ERCC6: variants seen among roughly 807,000 people sequenced by gnomAD.
ERCC6 encodes DNA excision repair protein ERCC-6.
A neutral mutation model predicts 158.7 loss-of-function variants in ERCC6; 116 were observed. That is an observed-to-expected ratio of 0.73 (90% CI 0.63 to 0.85). ERCC6 has a LOEUF of 0.85. Ranked by LOEUF, ERCC6 falls within the 40% of genes least tolerant of loss-of-function variation. The pLI is 0.00. For missense variants in ERCC6, 1,698 were observed against 1,799.4 expected (o/e 0.94, Z 1.02); for synonymous variants, 678 against 659.3 (o/e 1.03, Z -0.43).
At chr10:49,449,560 C>CTTTTTT (rs71026248), downstream of ERCC6, among the ~76,000 whole-genome samples, 127 of 68,064 alleles carry the variant, frequency 1.9e-3, 24 homozygotes, top group African/African-American at 7.5e-3. Context: ...ATAGTTAGGT[C>CTTTTTT]TTTTTTTTTT....
intron 14 of ERCC6, 40 bp downstream of exon 14, chr10:49,473,437 A>C: frequency 7.9e-7 from 1 of 1,270,008 alleles, no homozygotes; most frequent in Non-Finnish European, 1.2e-6. Context: ...CTCCACGTAC[A>C]GCAGCACCAC....
chr10:49,441,888 A>G, the ERCC6 span, among the ~76,000 whole-genome samples: 2 of 152,226 alleles, frequency 1.3e-5, no homozygotes, highest in Non-Finnish European at 2.9e-5. Flanking sequence ...ACAGGAACAA[A>G]AGCAGGCGGG....
Position 49,489,622 on chromosome 10 carries a change from C to G in ERCC6, c.1821+3495G>C, listed in dbSNP as rs547051067. Among the ~76,000 whole-genome samples the G allele has an allele frequency of 8.7e-4, 132 of 152,202 alleles. 3 individuals carry two copies. The South Asian group carries it at 0.026, about 30-fold the overall frequency. ...GAATTGATCAAAACGAAACAAAACT[C>G]TTTAAATTACCTAAGATGTTACAGA... On this transcript the variant is annotated intron_variant, in intron 8 of 20. Coordinates refer to ENST00000355832, the MANE Select transcript of ERCC6 (RefSeq NM_000124.4).
At chr10:49,442,103 C>T in the ERCC6 span, among the ~76,000 whole-genome samples, 12 of 152,342 alleles carry the variant, frequency 7.9e-5, no homozygotes, top group South Asian at 6.2e-4. Context: ...GAAAACCAAG[C>T]TGAATCGCCA....
chr10:49,493,283 C>A, intron 7 of ERCC6, 31 bp from the exon 8 acceptor site: 1 of 1,613,530 alleles, frequency 6.2e-7, no homozygotes, highest in East Asian at 2.2e-5. Context: ...AGAAAACAAC[C>A]ATGAAAGAGC....
At chr10:49,467,315 T>G (rs1375156763) in intron 18 of ERCC6, among the ~76,000 whole-genome samples, 1 of 152,186 alleles carries the variant, frequency 6.6e-6, no homozygotes, top group Non-Finnish European at 1.5e-5. Flanking sequence ...CCAAAGTGAT[T>G]GTGCCATTTT....
chr10:49,511,704 C>T (rs1836821541), intron 5 of ERCC6, among the ~76,000 whole-genome samples: 1 of 152,144 alleles, frequency 6.6e-6, no homozygotes, highest in African/African-American at 2.4e-5. Flanking sequence ...GGATTGCAGG[C>T]GTGAGCCACC....
the ERCC6 span, among the ~76,000 whole-genome samples, chr10:49,445,824 C>T: frequency 2.0e-5 from 3 of 152,136 alleles, no homozygotes; most frequent in African/African-American, 7.2e-5. Context: ...AACACCAAGG[C>T]ATGGGTAGCA....
chr10:49,500,682 C>A lies in ERCC6; in HGVS notation c.1541G>T (p.Gly514Val), dbSNP rs896726886. ...GTGCAATTCCCACAGCCACCTAACA[C>A]CTGTCTGCTGGTACCTATGACAACA... ...FKKLFKYQQT[G>V]VRWLWELHCQ... Residue 514 changes from glycine (G) to valine (V), a missense_variant, in exon 7 of 21, where the codon GGT becomes GTT. Coordinates refer to ENST00000355832, the MANE Select transcript of ERCC6 (RefSeq NM_000124.4). 1.8e-5 allele frequency: 29 copies of A among 1,613,850 alleles called. No individual in the cohort carries two copies. Among genetic ancestry groups the A allele is most frequent in the Non-Finnish European group, 2.4e-5 (28 of 1,179,854 alleles).
chr10:49,531,006 G>A (rs557002174), intron 2 of ERCC6, among the ~76,000 whole-genome samples, 166 bp from the exon 3 acceptor site: 1 of 152,216 alleles, frequency 6.6e-6, no homozygotes, highest in Admixed American at 6.5e-5. Context: ...AAAACTTGTA[G>A]GATCATTAGA....
the ERCC6 span, among the ~76,000 whole-genome samples, chr10:49,441,741 G>A: frequency 6.6e-6 from 1 of 152,236 alleles, no homozygotes; most frequent in Non-Finnish European, 1.5e-5. Flanking sequence ...CGCCCGCAGC[G>A]CCAGCCCCGC....
At chr10:49,448,849 T>C in the ERCC6 span, among the ~76,000 whole-genome samples, 13 of 152,372 alleles carry the variant, frequency 8.5e-5, no homozygotes, top group African/African-American at 3.1e-4. Context: ...TTCCATTGTA[T>C]AGATATACTG....
At chr10:49,524,842 C>A in intron 4 of ERCC6, 65 bp from the exon 5 acceptor site, 2 of 1,587,800 alleles carry the variant, frequency 1.3e-6, no homozygotes, top group Non-Finnish European at 8.5e-7. Flanking sequence ...AAAAGAAATG[C>A]TCACTCTTTC....
intron 5 of ERCC6, chr10:49,517,167 G>C (rs182076171): frequency 4.0e-6 from 6 of 1,513,628 alleles, no homozygotes; most frequent in Admixed American, 2.2e-5. Context: ...TAGTGGTTTT[G>C]CCTAGTGTTC....
At chr10:49,536,746 C>CCTGGGGGAAATGTCCTGGGGGACATG (rs1369607883) in intron 1 of ERCC6, among the ~76,000 whole-genome samples, 42 of 152,302 alleles carry the variant, frequency 2.8e-4, no homozygotes, top group South Asian at 8.3e-4. Context: ...GAACAATCTC[C>CCTGGGGGAAATGTCCTGGGGGACATG]TCCTTCAGTA....
intron 5 of ERCC6, among the ~76,000 whole-genome samples, chr10:49,513,881 A>G (rs554868233): frequency 6.6e-6 from 1 of 152,186 alleles, no homozygotes; most frequent in South Asian, 2.1e-4. Flanking sequence ...ATTAAAGCAG[A>G]CAGGGAGAAA....
chr10:49,476,820 C>T (rs1306923346), intron 11 of ERCC6, among the ~76,000 whole-genome samples: 1 of 152,136 alleles, frequency 6.6e-6, no homozygotes, highest in Non-Finnish European at 1.5e-5. Context: ...TGACCCTTCA[C>T]CTCTCAACCC....
intron 7 of ERCC6, among the ~76,000 whole-genome samples, chr10:49,498,723 T>C (rs763631188): frequency 1.3e-5 from 2 of 152,230 alleles, no homozygotes; most frequent in Non-Finnish European, 2.9e-5. Context: ...TCATTCTTAG[T>C]AGGATTGTCA....
intron 5 of ERCC6, among the ~76,000 whole-genome samples, chr10:49,511,141 TG>T (rs1836808030): frequency 6.6e-6 from 1 of 152,140 alleles, no homozygotes; most frequent in South Asian, 2.1e-4. Context: ...AGGTCTCCTC[TG>T]TAAGGAGCCT....
Sources: allele counts gnomAD v4.1 joint callset (sites outside exome capture counted in the v4.1 genomes callset), GRCh38; gene constraint gnomAD v4.1.1; transcripts MANE v1.5; gene names NCBI Gene and HGNC (gene_info 2026-07-23, HGNC 2026-07-21).